The following HIBADH variants were observed in gnomAD, a reference collection of about 807,000 sequenced individuals.
HIBADH encodes the protein 3-hydroxyisobutyrate dehydrogenase, mitochondrial.
A neutral mutation model predicts 36.1 loss-of-function variants in HIBADH; 25 were observed. The observed-to-expected ratio is 0.69, with a 90% CI of 0.50 to 0.97. The LOEUF (loss-of-function observed/expected upper bound fraction) is 0.97, where lower values mean the gene tolerates loss of function less well. Among genes scored for constraint, HIBADH ranks in the 50% least tolerant of loss-of-function variants. The pLI, the probability that HIBADH is intolerant of heterozygous loss-of-function variation, is 0.00. For missense variants in HIBADH, 421 were observed against 418.0 expected (o/e 1.01, Z -0.06); for synonymous variants, 160 against 149.5 (o/e 1.07, Z -0.51).
intron 4 of HIBADH, among the ~76,000 whole-genome samples, chr7:27,628,373 A>T (rs1022030844): frequency 2.0e-5 from 3 of 152,110 alleles, no homozygotes; most frequent in Admixed American, 6.5e-5. Context: ...TAAAGCCCAC[A>T]ATCAAGTTTA....
chr7:27,616,202 C>T (rs1367068233), intron 4 of HIBADH, among the ~76,000 whole-genome samples: 1 of 152,142 alleles, frequency 6.6e-6, no homozygotes, highest in Admixed American at 6.5e-5. Flanking sequence ...ATTTTAACAA[C>T]CAGATATTGT....
chr7:27,536,132 G>A (rs1296655110), intron 6 of HIBADH, among the ~76,000 whole-genome samples: 3 of 152,012 alleles, frequency 2.0e-5, no homozygotes, highest in East Asian at 3.9e-4. Flanking sequence ...AATCGTGGCC[G>A]TTCTCTATAC....
intron 4 of HIBADH, among the ~76,000 whole-genome samples, chr7:27,599,511 C>T (rs1004085462): frequency 2.0e-5 from 3 of 151,448 alleles, no homozygotes; most frequent in East Asian, 1.9e-4. Flanking sequence ...TGAAACCCCA[C>T]CTCTACTAAA....
intron 3 of HIBADH, among the ~76,000 whole-genome samples, chr7:27,631,980 A>C (rs188414372): frequency 1.3e-5 from 2 of 152,346 alleles, no homozygotes; most frequent in Non-Finnish European, 1.5e-5. Flanking sequence ...TATATTTTTC[A>C]TAAAACCCTT....
chr7:27,586,266 C>A (rs1784860524), intron 4 of HIBADH, among the ~76,000 whole-genome samples: 1 of 151,820 alleles, frequency 6.6e-6, no homozygotes, highest in African/African-American at 2.4e-5. Context: ...GGAAGTTTGG[C>A]AACTGGGTTT....
intron 1 of HIBADH, among the ~76,000 whole-genome samples, chr7:27,658,318 A>G (rs1328947318): frequency 6.6e-6 from 1 of 152,210 alleles, no homozygotes; most frequent in African/African-American, 2.4e-5. Context: ...AAATCAATCA[A>G]CCAAATACAA....
intron 4 of HIBADH, among the ~76,000 whole-genome samples, chr7:27,624,967 AAT>A (rs1478416006): frequency 6.6e-6 from 1 of 152,246 alleles, no homozygotes; most frequent in African/African-American, 2.4e-5. Context: ...TAAGAATGCG[AAT>A]ATTTTTTTAA....
rs142101631 is a variant in HIBADH, at chr7:27,585,665, C to T, written c.485-42565G>A. 8.5e-5 allele frequency among the ~76,000 whole-genome samples: 13 copies of T among 152,166 alleles called. No individual in the cohort carries two copies. In the East Asian group the frequency reaches 2.1e-3, roughly 25 times the overall value. On this transcript the variant is annotated intron_variant, in intron 4 of 7. Transcript: ENST00000265395. ...ATTTGTAAGACGATTCAAAGAGAAA[C>T]AGATCAAATGTCAATGACACACACT...
chr7:27,572,257 C>A (rs1238399127), intron 4 of HIBADH, among the ~76,000 whole-genome samples: 1 of 152,168 alleles, frequency 6.6e-6, no homozygotes, highest in East Asian at 1.9e-4. Context: ...GATCTCCATT[C>A]TCTAATGAGA....
chr7:27,609,747 G>A (rs1009841959), intron 4 of HIBADH, among the ~76,000 whole-genome samples: 16 of 151,892 alleles, frequency 1.1e-4, no homozygotes, highest in Admixed American at 4.6e-4. Flanking sequence ...AATAGTCAAC[G>A]CACTAAGTAC....
In HIBADH at chr7:27,648,904, T is replaced by A. The variant is rs1786125099; in HGVS notation, c.252+569A>T. On this transcript the variant is annotated intron_variant, in intron 2 of 7. Transcript: ENST00000265395. ...TTTATGGCCAATAACTAATAATTAT[T>A]CACAAAGTGCTGCCATATGATGTTT... is the stretch of plus-strand genomic sequence containing the variant. 2.6e-5 allele frequency among the ~76,000 whole-genome samples: 4 copies of A among 152,210 alleles called. No individual in the cohort carries two copies. In the South Asian group the frequency reaches 8.3e-4, roughly 32 times the overall value.
At chr7:27,656,053 G>A (rs1290688666) in intron 1 of HIBADH, among the ~76,000 whole-genome samples, 1 of 151,964 alleles carries the variant, frequency 6.6e-6, no homozygotes, top group Non-Finnish European at 1.5e-5. Flanking sequence ...CACATGAGGG[G>A]CCAGCCAACT....
At chr7:27,619,080 T>G (rs1187327865) in intron 4 of HIBADH, among the ~76,000 whole-genome samples, 7 of 152,188 alleles carry the variant, frequency 4.6e-5, no homozygotes, top group Admixed American at 6.5e-5. Context: ...AGCCCACTGC[T>G]GCCACCACTA....
At chr7:27,643,367 A>C (rs559685995) in intron 2 of HIBADH, among the ~76,000 whole-genome samples, 7 of 152,242 alleles carry the variant, frequency 4.6e-5, no homozygotes, top group Non-Finnish European at 8.8e-5. Context: ...TGTGTACAGC[A>C]GAGGTGAAAC....
At chr7:27,535,523 AT>A (rs942254579) in intron 6 of HIBADH, among the ~76,000 whole-genome samples, 1 of 151,810 alleles carries the variant, frequency 6.6e-6, no homozygotes, top group Admixed American at 6.6e-5. Flanking sequence ...ACCACCAAAA[AT>A]TTTTTTTTAA....
intron 4 of HIBADH, among the ~76,000 whole-genome samples, chr7:27,603,029 G>A (rs944946988): frequency 6.6e-6 from 1 of 152,090 alleles, no homozygotes; most frequent in Non-Finnish European, 1.5e-5. Context: ...GAAGCAAAGT[G>A]CCTGTCGTTT....
chr7:27,537,864 G>A (rs777882131), intron 6 of HIBADH, among the ~76,000 whole-genome samples: 1 of 152,010 alleles, frequency 6.6e-6, no homozygotes, highest in African/African-American at 2.4e-5. Flanking sequence ...TTTAGCCTGA[G>A]AATGAACCAC....
At chr7:27,552,594 G>GA (rs1784333514) in intron 4 of HIBADH, among the ~76,000 whole-genome samples, 1 of 152,114 alleles carries the variant, frequency 6.6e-6, no homozygotes, top group East Asian at 1.9e-4. Context: ...ACATAACGCA[G>GA]ACAGTCTTTT....
intron 4 of HIBADH, among the ~76,000 whole-genome samples, chr7:27,579,398 G>C (rs1784758898): frequency 1.3e-5 from 2 of 152,118 alleles, no homozygotes. Context: ...CACACATAAA[G>C]AGAATCTCTA....
Sources: allele counts gnomAD v4.1 joint callset (sites outside exome capture counted in the v4.1 genomes callset), GRCh38; gene constraint gnomAD v4.1.1; transcripts MANE v1.5; gene names NCBI Gene and HGNC (gene_info 2026-07-23, HGNC 2026-07-21).